Variants in ZDHHC15 observed in about 807,000 individuals in gnomAD.
The protein encoded by ZDHHC15 is zDHHC palmitoyltransferase 15.
A neutral mutation model predicts 31.7 loss-of-function variants in ZDHHC15; 19 were observed. That is an observed-to-expected ratio of 0.60 (90% CI 0.42 to 0.88). The LOEUF is 0.88. Among genes scored for constraint, ZDHHC15 ranks in the 40% least tolerant of loss-of-function variants. ZDHHC15 has a pLI of 0.00. For missense variants in ZDHHC15, 209 were observed against 251.2 expected (o/e 0.83, Z 1.14); for synonymous variants, 103 against 90.0 (o/e 1.14, Z -0.82).
chrX:75,413,015 T>A (rs1161937567), intron 10 of ZDHHC15, among the ~76,000 whole-genome samples: 1 of 111,622 alleles, frequency 9.0e-6, no homozygotes, highest in Non-Finnish European at 1.9e-5. Context: ...TTAATAATAT[T>A]GTATTGTATA....
chrX:75,443,804 G>A (rs778573546), intron 4 of ZDHHC15, among the ~76,000 whole-genome samples: 167 of 112,013 alleles, frequency 1.5e-3, no homozygotes, highest in Non-Finnish European at 2.4e-3. Context: ...AAAAGTGGGC[G>A]AAGGATATGA....
At chrX:75,490,778 T>A (rs1270727540) in intron 2 of ZDHHC15, among the ~76,000 whole-genome samples, 1 of 111,798 alleles carries the variant, frequency 8.9e-6, no homozygotes, top group East Asian at 2.8e-4. Context: ...TCACTCATGA[T>A]TTGGCTCTCT....
At chrX:75,412,559 G>T (rs1344900718) in intron 10 of ZDHHC15, among the ~76,000 whole-genome samples, 1 of 110,636 alleles carries the variant, frequency 9.0e-6, no homozygotes, top group Non-Finnish European at 1.9e-5. Context: ...AACCTCCCGA[G>T]TAGCTGGGAT....
At chrX:75,474,448 TACAC>T (rs752694258) in intron 3 of ZDHHC15, among the ~76,000 whole-genome samples, 1,305 of 78,567 alleles carry the variant, frequency 0.017, 14 homozygotes, top group Middle Eastern at 0.041. Context: ...TATATATATA[TACAC>T]ACACACACAC....
chrX:75,457,643 A>ACT (rs1228457660), intron 3 of ZDHHC15, among the ~76,000 whole-genome samples: 1 of 92,780 alleles, frequency 1.1e-5, no homozygotes, highest in Non-Finnish European at 2.1e-5. Flanking sequence ...TTTTATTTAC[A>ACT]CTCACACACA....
At chrX:75,461,315 T>C (rs1258457874) in intron 3 of ZDHHC15, among the ~76,000 whole-genome samples, 4 of 111,522 alleles carry the variant, frequency 3.6e-5, no homozygotes, top group Non-Finnish European at 5.6e-5. Context: ...CTGATTGGGG[T>C]ACCTGAAAGA....
chrX:75,385,951 C>G (rs1481128039), intron 10 of ZDHHC15, among the ~76,000 whole-genome samples: 1 of 111,886 alleles, frequency 8.9e-6, no homozygotes, highest in South Asian at 3.7e-4. Context: ...TACCCTTGAG[C>G]TGAGACAATA....
chrX:75,464,015 G>T (rs1483428143), intron 3 of ZDHHC15, among the ~76,000 whole-genome samples: 1 of 111,782 alleles, frequency 8.9e-6, no homozygotes, highest in Admixed American at 9.5e-5. Flanking sequence ...ATTCACAAAA[G>T]CAAAGACTTG....
intron 9 of ZDHHC15, among the ~76,000 whole-genome samples, chrX:75,417,962 T>A (rs774409207): frequency 3.3e-4 from 37 of 112,127 alleles, no homozygotes; most frequent in African/African-American, 1.1e-3. Flanking sequence ...TAAATTGAAA[T>A]TTGACAGATT....
At position 75,379,194 on chromosome X, in the gene ZDHHC15, A is replaced by G. The variant is rs141414411; in HGVS notation, c.972T>C (p.Tyr324=). 3.3e-6 allele frequency: 4 copies of G among 1,209,331 alleles called. No individual in the cohort carries two copies. Residue 324 remains tyrosine, a synonymous_variant, in exon 11 of 12, where the codon TAT becomes TAC. Transcript: ENST00000373367. ...CAGCAAGAGATGATGAGCCTTCTGG[A>G]TAATCTGCAAGGTTGAAACGTGAAG... The part of the protein sequence containing the change: ...WEDNEDDNQD[Y]PEGSSSLAVE...
intron 1 of ZDHHC15, among the ~76,000 whole-genome samples, chrX:75,521,030 G>A (rs2085434304): frequency 9.0e-6 from 1 of 110,790 alleles, no homozygotes; most frequent in African/African-American, 3.3e-5. Context: ...AATTACAAAT[G>A]GAGTCAGGTC....
chrX:75,459,850 A>C lies in ZDHHC15; in HGVS notation c.259-8928T>G, dbSNP rs944384463. On this transcript the variant is annotated intron_variant, in intron 3 of 11. Coordinates refer to ENST00000373367, the MANE Select transcript of ZDHHC15 (RefSeq NM_144969.3). The stretch of plus-strand genomic sequence containing the variant: ...CACAATGAAGGACAGCTGCTTTGGC[A>C]GATCATGGCCAGACTGCTGCTTTTT... Among the ~76,000 whole-genome samples, 3 of 112,672 alleles carry C rather than the reference A, an allele frequency of 2.7e-5. No homozygotes were observed. The Admixed American group carries it at 2.8e-4, about 11-fold the overall frequency.
chrX:75,409,624 G>A (rs1433308038), intron 10 of ZDHHC15, among the ~76,000 whole-genome samples: 6 of 105,005 alleles, frequency 5.7e-5, no homozygotes, highest in African/African-American at 1.0e-4. Context: ...GTGAAACCCC[G>A]TCTCTACTAA....
rs1371718841 is a variant in ZDHHC15, at chrX:75,474,827, A to G, written c.258+4064T>C. Among the ~76,000 whole-genome samples the G allele has an allele frequency of 1.0e-4, 11 of 110,067 alleles. No individual in the cohort carries two copies. The South Asian group carries it at 3.5e-3, about 35-fold the overall frequency. On this transcript the variant is annotated intron_variant, in intron 3 of 11. Transcript: ENST00000373367. The stretch of plus-strand genomic sequence containing the variant: ...AATCCCAGCACTTTGGGAGGCCGAG[A>G]CGGGTGGATCATGAGGTCAGGAGAT...
intron 2 of ZDHHC15, among the ~76,000 whole-genome samples, chrX:75,495,951 AC>A (rs2084990349): frequency 9.1e-6 from 1 of 110,406 alleles, no homozygotes; most frequent in Non-Finnish European, 1.9e-5. Flanking sequence ...AAAAAGAAAA[AC>A]AAGGTATTCA....
At chrX:75,439,021 C>A (rs1356590876) in intron 4 of ZDHHC15, among the ~76,000 whole-genome samples, 1 of 111,632 alleles carries the variant, frequency 9.0e-6, no homozygotes, top group African/African-American at 3.3e-5. Context: ...GCTGACAAAT[C>A]TGCTGTTAGT....
chrX:75,422,844 G>A (rs2083663296), intron 8 of ZDHHC15, among the ~76,000 whole-genome samples: 1 of 108,740 alleles, frequency 9.2e-6, no homozygotes, highest in Non-Finnish European at 1.9e-5. Context: ...TAGGGTACAT[G>A]TGCACAATGT....
chrX:75,431,639 A>C, intron 4 of ZDHHC15, 119 bp from the exon 5 acceptor site: 1 of 533,930 alleles, frequency 1.9e-6, no homozygotes, highest in Non-Finnish European at 2.8e-6. Context: ...AACTCATCTC[A>C]AGTTACCAAG....
At chrX:75,428,874 CTTG>C (rs1277195694) in intron 7 of ZDHHC15, among the ~76,000 whole-genome samples, 1 of 111,815 alleles carries the variant, frequency 8.9e-6, no homozygotes, top group Non-Finnish European at 1.9e-5. Flanking sequence ...ATGACAGAAA[CTTG>C]TTTAACTAGA....
Sources: allele counts gnomAD v4.1 joint callset (sites outside exome capture counted in the v4.1 genomes callset), GRCh38; gene constraint gnomAD v4.1.1; transcripts MANE v1.5; gene names NCBI Gene and HGNC (gene_info 2026-07-23, HGNC 2026-07-21).